Variants in BBS9 observed in about 807,000 individuals in gnomAD.
The protein encoded by BBS9 is Bardet-Biedl syndrome 9.
Under a neutral mutation model 117.7 loss-of-function variants are expected in BBS9, and 89 were observed. The observed-to-expected ratio is 0.76, with a 90% CI of 0.64 to 0.90. The LOEUF is 0.90. BBS9 is among the 40% of genes least tolerant of loss of function. The probability of loss-of-function intolerance (pLI) is 0.00; values close to 1 mark genes in which losing one functional copy is unlikely to be tolerated. For missense variants in BBS9, 982 were observed against 1,042.2 expected (o/e 0.94, Z 0.80); for synonymous variants, 379 against 370.9 (o/e 1.02, Z -0.25).
At chr7:33,321,165 A>G (rs1811636057) in intron 9 of BBS9, among the ~76,000 whole-genome samples, 1 of 152,076 alleles carries the variant, frequency 6.6e-6, no homozygotes, top group South Asian at 2.1e-4. Flanking sequence ...GAAGTCGGGT[A>G]ATGTGATCCT....
intron 4 of BBS9, among the ~76,000 whole-genome samples, chr7:33,175,470 A>G (rs1326874891): frequency 6.6e-6 from 1 of 152,198 alleles, no homozygotes; most frequent in African/African-American, 2.4e-5. Flanking sequence ...AATGGCCTTT[A>G]ACTGAGCAAA....
chr7:33,214,722 A>C (rs1383233137), intron 5 of BBS9, among the ~76,000 whole-genome samples: 7 of 151,928 alleles, frequency 4.6e-5, no homozygotes, highest in Admixed American at 2.0e-4. Flanking sequence ...AAACAGAAAG[A>C]TATTCCATGC....
At chr7:33,421,608 C>T (rs1302360822) in intron 19 of BBS9, among the ~76,000 whole-genome samples, 1 of 152,020 alleles carries the variant, frequency 6.6e-6, no homozygotes, top group Non-Finnish European at 1.5e-5. Flanking sequence ...CTAGTTATTG[C>T]AAAACATACT....
At chr7:33,624,868 C>G (rs1051824098) in intron 21 of BBS9, among the ~76,000 whole-genome samples, 1 of 152,126 alleles carries the variant, frequency 6.6e-6, no homozygotes, top group Non-Finnish European at 1.5e-5. Context: ...AGTGAGTACC[C>G]AGCTGAAGGC....
chr7:33,455,242 G>GTACT (rs34410950), intron 19 of BBS9, among the ~76,000 whole-genome samples: 95,300 of 151,362 alleles, frequency 0.63, 30,660 homozygotes, highest in African/African-American at 0.76. Context: ...CGTGATGGTG[G>GTACT]TACCTCAGAG....
intron 9 of BBS9, among the ~76,000 whole-genome samples, chr7:33,302,204 A>G (rs552040550): frequency 7.2e-5 from 11 of 152,126 alleles, no homozygotes; most frequent in Non-Finnish European, 1.5e-4. Context: ...TAGTTTGAAC[A>G]TATTTTCTCC....
At chr7:33,215,642 G>GAC (rs147463247) in intron 5 of BBS9, among the ~76,000 whole-genome samples, 8 of 151,476 alleles carry the variant, frequency 5.3e-5, no homozygotes, top group South Asian at 2.1e-4. Flanking sequence ...GACACACAGA[G>GAC]ACACACACAC....
Position 33,340,898 on chromosome 7 carries a change from T to C in BBS9, c.1200T>C (p.Gly400=), listed in dbSNP as rs769158071. ...AATTTTTCTTTTTTTAAATCACAGGTGTTTGGCCCATGACTGAGAGAGAAG... is the reference window on the plus strand; with the variant it reads ...AATTTTTCTTTTTTTAAATCACAGGCGTTTGGCCCATGACTGAGAGAGAAG... ...KIIKDVNKSQ[G]VWPMTEREDD... is the part of the protein sequence containing the mutation. Residue 400 remains glycine (G), a splice_region_variant and synonymous_variant, in exon 11 of 23, where the codon GGT becomes GGC. Transcript: ENST00000242067. 6.2e-7 allele frequency: 1 copy of C among 1,612,724 alleles called. No homozygotes were observed. Among genetic ancestry groups the C allele is most frequent in the South Asian group, 1.1e-5 (1 of 90,946 alleles).
intron 4 of BBS9, among the ~76,000 whole-genome samples, chr7:33,167,583 G>A (rs1278800115): frequency 6.6e-6 from 1 of 151,830 alleles, no homozygotes; most frequent in Non-Finnish European, 1.5e-5. Context: ...TTGTATTTTA[G>A]TAGAGATGGG....
chr7:33,368,527 A>G (rs1822219960), intron 17 of BBS9, among the ~76,000 whole-genome samples: 1 of 151,600 alleles, frequency 6.6e-6, no homozygotes, highest in African/African-American at 2.4e-5. Flanking sequence ...GGAATAAAGT[A>G]AGATATTAAG....
intron 19 of BBS9, among the ~76,000 whole-genome samples, chr7:33,502,952 A>T (rs934488981): frequency 1.3e-5 from 2 of 152,168 alleles, no homozygotes; most frequent in Admixed American, 1.3e-4. Context: ...TCTTTTCTTC[A>T]GTACTCTCTC....
chr7:33,263,483 C>A (rs1164584266), intron 6 of BBS9, among the ~76,000 whole-genome samples: 1 of 152,024 alleles, frequency 6.6e-6, no homozygotes, highest in Non-Finnish European at 1.5e-5. Context: ...ATAGAAATTT[C>A]AACTTTATTA....
chr7:33,446,590 A>G (rs1343906608), intron 19 of BBS9, among the ~76,000 whole-genome samples: 2 of 152,200 alleles, frequency 1.3e-5, no homozygotes, highest in Middle Eastern at 3.2e-3. Flanking sequence ...TTAAAGTTGG[A>G]AGCTTGGTAT....
intron 21 of BBS9, among the ~76,000 whole-genome samples, chr7:33,546,968 C>T (rs996067907): frequency 6.6e-6 from 1 of 152,086 alleles, no homozygotes; most frequent in Non-Finnish European, 1.5e-5. Flanking sequence ...CAATTTGTGC[C>T]GCACATGCAG....
intron 17 of BBS9, among the ~76,000 whole-genome samples, chr7:33,378,899 A>G (rs1037771757): frequency 3.9e-5 from 6 of 152,090 alleles, no homozygotes; most frequent in Non-Finnish European, 5.9e-5. Context: ...TGGGCATGCT[A>G]TTGGTGTTCT....
chr7:33,534,494 A>G, intron 21 of BBS9: 1 of 416,580 alleles, frequency 2.4e-6, no homozygotes, highest in Non-Finnish European at 4.5e-6. Context: ...GTTTTACTAA[A>G]TGTGATCTCG....
At chr7:33,539,535 G>A (rs1424923602) in intron 21 of BBS9, among the ~76,000 whole-genome samples, 1 of 152,064 alleles carries the variant, frequency 6.6e-6, no homozygotes, top group Admixed American at 6.5e-5. Context: ...TCATTATTAA[G>A]CAAAAGTGAA....
chr7:33,220,932 T>C (rs1431919860), intron 5 of BBS9, among the ~76,000 whole-genome samples: 1 of 152,276 alleles, frequency 6.6e-6, no homozygotes, highest in African/African-American at 2.4e-5. Context: ...GTTTTACAAC[T>C]ACAAAATTAA....
At chr7:33,165,189 G>T (rs778911024) in intron 4 of BBS9, among the ~76,000 whole-genome samples, 9 of 152,148 alleles carry the variant, frequency 5.9e-5, no homozygotes, top group Non-Finnish European at 1.3e-4. Flanking sequence ...AGTTTCTGCC[G>T]AGAGATCCGC....
Sources: allele counts gnomAD v4.1 joint callset (sites outside exome capture counted in the v4.1 genomes callset), GRCh38; gene constraint gnomAD v4.1.1; transcripts MANE v1.5; gene names NCBI Gene and HGNC (gene_info 2026-07-23, HGNC 2026-07-21).